LPCAT1: variants seen among roughly 807,000 people sequenced by gnomAD.
LPCAT1 encodes the protein lysophosphatidylcholine acyltransferase 1.
In LPCAT1, 23 loss-of-function variants were observed where a neutral mutation model predicts 60.9. That is an observed-to-expected ratio of 0.38 (90% confidence interval 0.27 to 0.53). The LOEUF (loss-of-function observed/expected upper bound fraction) is 0.53. Among genes scored for constraint, LPCAT1 ranks in the 20% least tolerant of loss-of-function variants. The pLI is 0.82. For missense variants in LPCAT1, 622 were observed against 723.6 expected (o/e 0.86, Z 1.61); for synonymous variants, 340 against 301.1 (o/e 1.13, Z -1.34).
rs139840079 is a variant in LPCAT1, at chr5:1,494,938, C to T, written c.279-24G>A. On this transcript the variant is annotated intron_variant, in intron 2 of 13. Coordinates refer to ENST00000283415, the MANE Select transcript of LPCAT1 (RefSeq NM_024830.5). The stretch of plus-strand genomic sequence containing the variant: ...CCCTGCAAAAGAGGGCGCTGCGTCA[C>T]GCGGGCACACGTCCGCAGTCTCGGA... The T allele has an allele frequency of 4.1e-4, 648 of 1,564,288 alleles. 10 individuals carry two copies. In the South Asian group the frequency reaches 5.1e-3, roughly 12 times the overall value.
chr5:1,478,450 A>T (rs1309072458), intron 8 of LPCAT1, among the ~76,000 whole-genome samples: 1 of 152,248 alleles, frequency 6.6e-6, no homozygotes, highest in African/African-American at 2.4e-5. Flanking sequence ...CAACTCTTAA[A>T]ATTAGAAACC....
In LPCAT1 at chr5:1,483,385, G is replaced by A. The variant is rs190521478; in HGVS notation, c.726+43C>T. On this transcript the variant is annotated intron_variant, in intron 6 of 13. Coordinates refer to ENST00000283415, the MANE Select transcript of LPCAT1 (RefSeq NM_024830.5). The surrounding 1 kb of genome is among the most constrained non-coding windows in gnomAD (Gnocchi z 9.2). ...AGGCAGCTCGCAGTTCCCGTTTCCC[G>A]GAGAATTCCCCTGGAAGCTGACCCC... 1.8e-4 allele frequency: 283 copies of A among 1,603,374 alleles called. 1 individual carries two copies. In the East Asian group the frequency reaches 2.5e-3, roughly 14 times the overall value.
chr5:1,498,749 C>A (rs1735898070), intron 2 of LPCAT1, among the ~76,000 whole-genome samples: 1 of 152,144 alleles, frequency 6.6e-6, no homozygotes, highest in Non-Finnish European at 1.5e-5. Flanking sequence ...CATGCACTCA[C>A]ATGTACACAC....
chr5:1,504,668 C>A (rs538998140), intron 1 of LPCAT1, among the ~76,000 whole-genome samples: 1 of 148,602 alleles, frequency 6.7e-6, no homozygotes, highest in African/African-American at 2.5e-5. Flanking sequence ...GAGCTGAGAT[C>A]GCGCCATTGC....
At chr5:1,513,331 C>A (rs1736411486) in intron 1 of LPCAT1, among the ~76,000 whole-genome samples, 1 of 152,210 alleles carries the variant, frequency 6.6e-6, no homozygotes, top group Admixed American at 6.5e-5. Context: ...CAACCTGCAG[C>A]CCCACACTCT....
At chr5:1,469,954 G>C (rs27052) in intron 12 of LPCAT1, among the ~76,000 whole-genome samples, 120,100 of 152,224 alleles carry the variant, frequency 0.79, 47,934 homozygotes, top group African/African-American at 0.91. Context: ...TGAGGTCATC[G>C]AGTTCATCCT....
intron 12 of LPCAT1, among the ~76,000 whole-genome samples, chr5:1,469,713 G>A (rs535268714): frequency 6.6e-6 from 1 of 152,250 alleles, no homozygotes; most frequent in East Asian, 1.9e-4. Context: ...GGAGGCAGAG[G>A]TTGGTTGCAG....
Position 1,480,325 on chromosome 5 carries a change from G to A in LPCAT1, c.761+617C>T, listed in dbSNP as rs1735085529. ...AACACCTTCACCTGAAAGCACCAGC[G>A]GACCCACATCCTCCCAAACGCCTGG... On this transcript the variant is annotated intron_variant, in intron 7 of 13. Transcript: ENST00000283415. The surrounding 1 kb of genome is among the most constrained non-coding windows in gnomAD (Gnocchi z 6.4). The A allele has an allele frequency of 7.1e-6, 7 of 984,712 alleles. No homozygotes were observed. Among genetic ancestry groups the A allele is most frequent in the African/African-American group, 1.8e-5 (1 of 57,018 alleles). The allele number at this position is 984,712 out of a possible 1,614,324, so 61.0% of individuals were successfully genotyped here. A position where few individuals can be genotyped will look rare whatever the true frequency, so the allele number is the denominator to read the frequency against.
chr5:1,479,846 C>T (rs368794824), intron 7 of LPCAT1, among the ~76,000 whole-genome samples, 171 bp from the exon 8 acceptor site: 1 of 152,064 alleles, frequency 6.6e-6, no homozygotes, highest in South Asian at 2.1e-4. Flanking sequence ...CCCAGTGTGA[C>T]GTACAGCCGT....
chr5:1,520,753 C>G (rs1282679281), intron 1 of LPCAT1, among the ~76,000 whole-genome samples: 1 of 150,678 alleles, frequency 6.6e-6, no homozygotes, highest in Non-Finnish European at 1.5e-5. Context: ...GTCCCAGCTA[C>G]TCGGGAGGCT....
intron 12 of LPCAT1, among the ~76,000 whole-genome samples, chr5:1,468,635 G>T (rs546814875): frequency 4.6e-5 from 7 of 152,240 alleles, no homozygotes; most frequent in Non-Finnish European, 7.3e-5. Context: ...TCTCTGAGCC[G>T]CTGGAAGTTT....
At chr5:1,468,479 G>A (rs1286336585) in intron 12 of LPCAT1, among the ~76,000 whole-genome samples, 2 of 152,188 alleles carry the variant, frequency 1.3e-5, no homozygotes, top group African/African-American at 4.8e-5. Context: ...CTTCAGAGGG[G>A]ACAACCTGAC....
intron 1 of LPCAT1, among the ~76,000 whole-genome samples, chr5:1,508,103 C>A (rs1452634346): frequency 6.6e-6 from 1 of 152,230 alleles, no homozygotes; most frequent in African/African-American, 2.4e-5. Context: ...TGGACTTCAG[C>A]CTCCAGAATG....
chr5:1,508,634 G>A (rs551469123), intron 1 of LPCAT1, among the ~76,000 whole-genome samples: 1 of 152,352 alleles, frequency 6.6e-6, no homozygotes, highest in Admixed American at 6.5e-5. Flanking sequence ...CCCCATCTGA[G>A]GCACTTTATT....
intron 1 of LPCAT1, among the ~76,000 whole-genome samples, chr5:1,510,201 C>G (rs1343829689): frequency 6.6e-6 from 1 of 152,174 alleles, no homozygotes; most frequent in Non-Finnish European, 1.5e-5. Context: ...AGGATCTGCG[C>G]CTCCCCGCAG....
At chr5:1,494,485 T>C (rs1315456415) in intron 3 of LPCAT1, among the ~76,000 whole-genome samples, 1 of 149,798 alleles carries the variant, frequency 6.7e-6, no homozygotes, top group Non-Finnish European at 1.5e-5. Context: ...CCCTCATTCC[T>C]AGCAGGGAGG....
chr5:1,496,954 G>A lies in LPCAT1; in HGVS notation c.279-2040C>T, dbSNP rs1422965905. On this transcript the variant is annotated intron_variant, in intron 2 of 13. Coordinates refer to ENST00000283415, the MANE Select transcript of LPCAT1 (RefSeq NM_024830.5). The surrounding 1 kb of genome is among the most constrained non-coding windows in gnomAD (Gnocchi z 4.7). ...GATCTATCTGCATACACAGGAGCGGGGATCTCCATCAGCACCCCCAGGAAA... is the reference window on the plus strand; with the variant it reads ...GATCTATCTGCATACACAGGAGCGGAGATCTCCATCAGCACCCCCAGGAAA... Among the ~76,000 whole-genome samples, 1 of 152,130 alleles carries A rather than the reference G, an allele frequency of 6.6e-6. No homozygotes were observed. The highest frequency in any genetic ancestry group is 1.5e-5 in the Non-Finnish European group (1 of 68,030).
intron 3 of LPCAT1, among the ~76,000 whole-genome samples, chr5:1,490,297 C>A (rs899282201): frequency 6.6e-6 from 1 of 152,158 alleles, no homozygotes; most frequent in African/African-American, 2.4e-5. Context: ...CTCCTGGTAC[C>A]GGGAATGGGA....
chr5:1,474,429 T>C, intron 10 of LPCAT1, 131 bp downstream of exon 10: 1 of 1,245,522 alleles, frequency 8.0e-7, no homozygotes. Context: ...CTTAAGTTGA[T>C]ATTTGAAAAA....
Sources: gnomAD v4.1 joint callset for allele counts (sites outside exome capture counted in the v4.1 genomes callset) on GRCh38, gnomAD v4.1.1 for gene constraint, Gnocchi (gnomAD v3.1) non-coding constraint, MANE v1.5 for transcripts, NCBI Gene and HGNC (gene_info 2026-07-23, HGNC 2026-07-21) for gene names.